Variants in CDK14 observed in about 807,000 individuals in gnomAD.
CDK14 encodes cyclin-dependent kinase 14.
Under a neutral mutation model 60.7 loss-of-function variants are expected in CDK14, and 34 were observed. That is an observed-to-expected ratio of 0.56 (90% CI 0.43 to 0.75). CDK14 has a LOEUF of 0.75. Among genes scored for constraint, CDK14 ranks in the 30% least tolerant of loss-of-function variants. The pLI, the probability that CDK14 is intolerant of heterozygous loss-of-function variation, is 0.00. For missense variants in CDK14, 482 were observed against 564.1 expected, an observed-to-expected ratio of 0.85 and a Z score of 1.47; for synonymous variants, 197 against 203.7, an observed-to-expected ratio of 0.97 and a Z score of 0.28.
intron 9 of CDK14, among the ~76,000 whole-genome samples, chr7:90,962,815 G>A (rs1794639642): frequency 6.6e-6 from 1 of 152,214 alleles, no homozygotes; most frequent in South Asian, 2.1e-4. Context: ...GCATTCAGCT[G>A]CCTCACTGGT....
intron 14 of CDK14, among the ~76,000 whole-genome samples, chr7:91,166,168 T>G (rs994226441): frequency 5.3e-5 from 8 of 152,218 alleles, no homozygotes; most frequent in Admixed American, 5.2e-4. Flanking sequence ...GAGAGACTTA[T>G]GAAATGCATA....
chr7:90,881,634 A>G (rs1421747612), intron 6 of CDK14, among the ~76,000 whole-genome samples: 3 of 152,162 alleles, frequency 2.0e-5, no homozygotes, highest in African/African-American at 7.2e-5. Context: ...ACACATAATC[A>G]TCAGATTCTT....
At chr7:90,994,964 T>C (rs574171724) in intron 10 of CDK14, among the ~76,000 whole-genome samples, 2 of 152,292 alleles carry the variant, frequency 1.3e-5, no homozygotes, top group African/African-American at 4.8e-5. Context: ...CCCACGTAAA[T>C]CTGATTTCTC....
At chr7:90,750,151 AAAAC>A (rs1372458591) in intron 4 of CDK14, among the ~76,000 whole-genome samples, 1 of 104,114 alleles carries the variant, frequency 9.6e-6, no homozygotes, top group East Asian at 2.7e-4. Context: ...AAGGGGAAAG[AAAAC>A]ACACACACAC....
At chr7:90,846,536 A>G (rs1790475460) in intron 5 of CDK14, among the ~76,000 whole-genome samples, 2 of 152,150 alleles carry the variant, frequency 1.3e-5, no homozygotes, top group Admixed American at 6.5e-5. Flanking sequence ...TTTCCATCAC[A>G]CTAAGCAGTA....
intron 14 of CDK14, among the ~76,000 whole-genome samples, chr7:91,146,164 A>G (rs1385347492): frequency 6.6e-6 from 1 of 152,148 alleles, no homozygotes; most frequent in African/African-American, 2.4e-5. Flanking sequence ...GGGGGCTAAA[A>G]CATGTAGCTA....
intron 9 of CDK14, among the ~76,000 whole-genome samples, chr7:90,982,049 C>T (rs1396642867): frequency 1.3e-5 from 2 of 152,098 alleles, no homozygotes; most frequent in Non-Finnish European, 2.9e-5. Flanking sequence ...ATTGGTTATT[C>T]CTGTTGGGCT....
chr7:90,824,689 A>T (rs1789663220), intron 5 of CDK14: 1 of 152,212 alleles, frequency 6.6e-6, no homozygotes, highest in Non-Finnish European at 1.5e-5. Flanking sequence ...GGGTAGAGAG[A>T]TAATATACTT....
intron 10 of CDK14, among the ~76,000 whole-genome samples, chr7:90,990,160 T>C (rs1795488597): frequency 6.6e-6 from 1 of 152,152 alleles, no homozygotes; most frequent in African/African-American, 2.4e-5. Context: ...GTGCCTATGG[T>C]CCCAGCTACT....
intron 14 of CDK14, among the ~76,000 whole-genome samples, chr7:91,175,505 C>T (rs1230105686): frequency 6.6e-6 from 1 of 152,124 alleles, no homozygotes; most frequent in South Asian, 2.1e-4. Flanking sequence ...TTGAAAGACA[C>T]AGACTGGCAA....
At chr7:90,899,136 G>C (rs1158678544) in intron 6 of CDK14, among the ~76,000 whole-genome samples, 155 bp from the exon 7 acceptor site, 2 of 151,876 alleles carry the variant, frequency 1.3e-5, no homozygotes, top group East Asian at 3.9e-4. Flanking sequence ...AAATTAGGGG[G>C]TGGGGAGGCA....
intron 5 of CDK14, among the ~76,000 whole-genome samples, chr7:90,857,359 A>C (rs1346795777): frequency 6.6e-6 from 1 of 152,158 alleles, no homozygotes; most frequent in Non-Finnish European, 1.5e-5. Context: ...GCATCCCTCT[A>C]TCCTACTGGG....
chr7:91,175,913 C>T (rs1436591052), intron 14 of CDK14, among the ~76,000 whole-genome samples: 36 of 140,970 alleles, frequency 2.6e-4, no homozygotes, highest in African/African-American at 8.4e-4. Flanking sequence ...GACAGAAAGT[C>T]AACAAGGATA....
chr7:91,056,354 C>G (rs1211834103), intron 11 of CDK14, among the ~76,000 whole-genome samples: 5 of 152,110 alleles, frequency 3.3e-5, no homozygotes, highest in African/African-American at 1.2e-4. Context: ...GCACAGAGAA[C>G]AGCATGGTGT....
chr7:91,074,779 A>G (rs896108601), intron 11 of CDK14, among the ~76,000 whole-genome samples: 3 of 152,222 alleles, frequency 2.0e-5, no homozygotes, highest in Non-Finnish European at 2.9e-5. Flanking sequence ...AGAAGAATCA[A>G]ATAGACACAA....
chr7:90,873,586 T>G (rs1307372302), intron 6 of CDK14, among the ~76,000 whole-genome samples: 2 of 152,210 alleles, frequency 1.3e-5, no homozygotes, highest in African/African-American at 4.8e-5. Flanking sequence ...CCCTATAAAT[T>G]ATTCATTTTT....
chr7:91,004,698 A>G (rs1795931775), intron 10 of CDK14, among the ~76,000 whole-genome samples: 1 of 152,176 alleles, frequency 6.6e-6, no homozygotes, highest in Non-Finnish European at 1.5e-5. Context: ...AGATCTGACC[A>G]TGGTAAATTA....
intron 2 of CDK14, among the ~76,000 whole-genome samples, chr7:90,652,476 A>G (rs1246752298): frequency 1.3e-5 from 2 of 152,216 alleles, no homozygotes; most frequent in East Asian, 3.9e-4. Flanking sequence ...ATGTTTACAC[A>G]GCTCTATATC....
intron 9 of CDK14, among the ~76,000 whole-genome samples, chr7:90,961,249 A>G (rs1386010785): frequency 6.6e-6 from 1 of 152,184 alleles, no homozygotes; most frequent in South Asian, 2.1e-4. Flanking sequence ...TTGCATAACT[A>G]AAATATAGTG....
Sources: allele counts gnomAD v4.1 joint callset (sites outside exome capture counted in the v4.1 genomes callset), GRCh38; gene constraint gnomAD v4.1.1; transcripts MANE v1.5; gene names NCBI Gene and HGNC (gene_info 2026-07-23, HGNC 2026-07-21).